The following SHANK2 variants were observed in gnomAD, a reference collection of about 807,000 sequenced individuals.
SHANK2 encodes SH3 and multiple ankyrin repeat domains 2.
In SHANK2, 43 loss-of-function variants were observed where a neutral mutation model predicts 133.7. The ratio of observed to expected loss-of-function variants is 0.32; its 90% confidence interval spans 0.25 to 0.41. The LOEUF is 0.41. SHANK2 is among the 10% of genes least tolerant of loss of function. The pLI, the probability that SHANK2 is intolerant of heterozygous loss-of-function variation, is 1.00. For synonymous variants in SHANK2, 1,017 were observed against 952.8 expected (o/e 1.07, Z -1.24); for missense variants, 1,994 against 2,235.8 (o/e 0.89, Z 2.18).
intron 17 of SHANK2, among the ~76,000 whole-genome samples, chr11:70,629,190 C>T (rs768395218): frequency 2.6e-5 from 4 of 152,166 alleles, no homozygotes; most frequent in Non-Finnish European, 5.9e-5. Context: ...AGCCTGGCCC[C>T]TCCTTCCATC....
intron 2 of SHANK2, among the ~76,000 whole-genome samples, chr11:71,207,700 C>T (rs1210723686): frequency 1.3e-5 from 2 of 152,188 alleles, no homozygotes; most frequent in East Asian, 1.9e-4. Context: ...ACAGCACTGA[C>T]GCCAGGGCCA....
intron 17 of SHANK2, among the ~76,000 whole-genome samples, chr11:70,609,128 G>A (rs1427545464): frequency 2.0e-5 from 3 of 152,224 alleles, no homozygotes; most frequent in Admixed American, 6.5e-5. Context: ...GGCACCGGGC[G>A]GCCCAGAGAG....
At chr11:70,716,154 CG>C (rs1487623436) in intron 14 of SHANK2, among the ~76,000 whole-genome samples, 2 of 152,174 alleles carry the variant, frequency 1.3e-5, no homozygotes, top group Non-Finnish European at 2.9e-5. Flanking sequence ...CCTCTTTCCC[CG>C]GCCAATCAGA....
chr11:71,212,623 G>A lies in SHANK2; in HGVS notation c.-13+12074C>T, dbSNP rs548599318. On this transcript the variant is annotated intron_variant, in intron 2 of 25. Coordinates refer to ENST00000601538, the MANE Select transcript of SHANK2 (RefSeq NM_012309.5). ...TAAGATGATGAGACCATCTTTGGCC[G>A]AGATGGAAGGATTTATAGAAATGAG... Among the ~76,000 whole-genome samples the A allele has an allele frequency of 5.3e-5, 8 of 152,256 alleles. No individual in the cohort carries two copies. The East Asian group carries it at 5.8e-4, about 11-fold the overall frequency.
In SHANK2 at chr11:71,075,031, G is replaced by A. The variant is rs899796940; in HGVS notation, c.1029+128C>T. ...CTGACCTCGTGATCCGCCCGCCTCA[G>A]CCTCCCAAAGTGCTGGGATTACAGG... On this transcript the variant is annotated intron_variant, in intron 9 of 25. Coordinates refer to ENST00000601538, the MANE Select transcript of SHANK2 (RefSeq NM_012309.5). 2.2e-3 allele frequency: 340 copies of A among 152,990 alleles called. 1 individual carries two copies. The highest frequency in any genetic ancestry group is 6.7e-3 in the African/African-American group (270 of 40,398). The allele number at this position is 152,990 out of a possible 1,614,324, so 9.5% of individuals were successfully genotyped here.
chr11:70,602,807 C>T (rs567951807), intron 17 of SHANK2, among the ~76,000 whole-genome samples: 1 of 152,272 alleles, frequency 6.6e-6, no homozygotes, highest in East Asian at 1.9e-4. Context: ...TTACATTTTA[C>T]AATATTAAAC....
intron 10 of SHANK2, among the ~76,000 whole-genome samples, chr11:70,905,216 T>C (rs1241795297): frequency 6.6e-6 from 1 of 152,168 alleles, no homozygotes; most frequent in Admixed American, 6.6e-5. Context: ...CACAGTTCTC[T>C]GAGGATCTGA....
chr11:70,626,734 G>C lies in SHANK2; in HGVS notation c.2061+33094C>G, dbSNP rs539784315. Among the ~76,000 whole-genome samples, 14 of 152,354 alleles carry C rather than the reference G, an allele frequency of 9.2e-5. 1 individual carries two copies. The South Asian group carries it at 2.9e-3, about 32-fold the overall frequency. On this transcript the variant is annotated intron_variant, in intron 17 of 25. Coordinates refer to ENST00000601538, the MANE Select transcript of SHANK2 (RefSeq NM_012309.5). ...CTCTGAAAGGCCAATCCTTGTAGCA[G>C]CCCTGAAAGGTCCAGATGCAGCCCC...
At chr11:70,521,134 A>G (rs1005479897) in intron 17 of SHANK2, among the ~76,000 whole-genome samples, 9 of 152,200 alleles carry the variant, frequency 5.9e-5, no homozygotes, top group African/African-American at 2.2e-4. Context: ...GAAATTTAGG[A>G]TGATGCTGTT....
chr11:71,171,948 G>A (rs1316505371), intron 2 of SHANK2, among the ~76,000 whole-genome samples: 4 of 152,258 alleles, frequency 2.6e-5, no homozygotes, highest in South Asian at 2.1e-4. Context: ...ACACGCCTGG[G>A]AAGGCCCAGC....
Position 70,500,873 on chromosome 11 carries a change from C to T in SHANK2, c.2288-283G>A. 1.5e-6 allele frequency: 1 copy of T among 664,548 alleles called. No homozygotes were observed. Among genetic ancestry groups the T allele is most frequent in the South Asian group, 1.6e-5 (1 of 63,566 alleles). 41.2% of individuals were successfully genotyped at this position (664,548 alleles called of 1,614,324 possible). ...TTCCTTCTTCCTCAGCACCCCTTGT[C>T]CCACCAGCACCCTGCCAAAGTAGGG... is the stretch of plus-strand genomic sequence containing the variant. On this transcript the variant is annotated intron_variant, in intron 20 of 25. Transcript: ENST00000601538. The surrounding 1 kb of genome is among the most constrained non-coding windows in gnomAD (Gnocchi z 4.5).
chr11:71,168,676 C>G, intron 2 of SHANK2, among the ~76,000 whole-genome samples: 1 of 152,150 alleles, frequency 6.6e-6, no homozygotes, highest in Non-Finnish European at 1.5e-5. Context: ...AATACGAAAA[C>G]CAGTCAGGCG....
chr11:70,736,418 C>G (rs376588609), intron 14 of SHANK2, among the ~76,000 whole-genome samples: 27 of 152,286 alleles, frequency 1.8e-4, no homozygotes, highest in East Asian at 1.7e-3. Context: ...ATGAGGAGAT[C>G]ACCCTGGATT....
intron 11 of SHANK2, among the ~76,000 whole-genome samples, chr11:70,825,090 T>A (rs1235507898): frequency 6.6e-6 from 1 of 151,900 alleles, no homozygotes; most frequent in African/African-American, 2.4e-5. Flanking sequence ...ACGCCCAGCT[T>A]CCCCGCCCCG....
At chr11:70,800,870 C>A (rs1328148899) in intron 13 of SHANK2, among the ~76,000 whole-genome samples, 1 of 152,214 alleles carries the variant, frequency 6.6e-6, no homozygotes, top group Non-Finnish European at 1.5e-5. Flanking sequence ...CCACAGATAC[C>A]CACACTCTCC....
In SHANK2 at chr11:71,068,830, A is replaced by G. The variant is rs945826880; in HGVS notation, c.1029+6329T>C. Among the ~76,000 whole-genome samples, 756 of 152,228 alleles carry G rather than the reference A, an allele frequency of 5.0e-3. 1 individual carries two copies. The highest frequency in any genetic ancestry group is 0.017 in the African/African-American group (722 of 41,512). On this transcript the variant is annotated intron_variant, in intron 9 of 25. Transcript: ENST00000601538. ...CACCATGACCATGCTCACCACCATC[A>G]TCAGCACCATCGCTGTCACCATGAC...
rs564825848 is a variant in SHANK2 at position 71,221,124 on chromosome 11, C to T, written c.-13+3573G>A. ...GCTGAGGCAGGAGAATCGCTTGAGC[C>T]CGGGAGGCGGAGGTTGCAGTGAGCC... On this transcript the variant is annotated intron_variant, in intron 2 of 25. Coordinates refer to ENST00000601538, the MANE Select transcript of SHANK2 (RefSeq NM_012309.5). 1.6e-3 allele frequency among the ~76,000 whole-genome samples: 238 copies of T among 151,752 alleles called. 1 individual carries two copies. Among genetic ancestry groups the T allele is most frequent in the African/African-American group, 5.6e-3 (232 of 41,352 alleles).
chr11:71,191,870 A>AT (rs1555115489), intron 2 of SHANK2, among the ~76,000 whole-genome samples: 1 of 145,950 alleles, frequency 6.9e-6, no homozygotes, highest in Admixed American at 6.9e-5. Flanking sequence ...TTTATTTTTT[A>AT]TTTTTTTTAA....
intron 2 of SHANK2, among the ~76,000 whole-genome samples, chr11:71,189,071 C>T (rs1252312358): frequency 6.6e-6 from 1 of 152,196 alleles, no homozygotes; most frequent in Non-Finnish European, 1.5e-5. Flanking sequence ...TGAGGCTCTC[C>T]GGGTTGGGTT....
Sources: allele counts gnomAD v4.1 joint callset (sites outside exome capture counted in the v4.1 genomes callset), GRCh38; gene constraint gnomAD v4.1.1; non-coding constraint Gnocchi (gnomAD v3.1); transcripts MANE v1.5; gene names NCBI Gene and HGNC (gene_info 2026-07-23, HGNC 2026-07-21).